The following TASP1 variants were observed in gnomAD, a reference collection of about 807,000 sequenced individuals.
TASP1 encodes the protein threonine aspartase 1.
In TASP1, 16 loss-of-function variants were observed where a neutral mutation model predicts 56.6. That is an observed-to-expected ratio of 0.28 (90% confidence interval 0.19 to 0.43). The LOEUF is 0.43. TASP1 is among the 20% of genes least tolerant of loss of function. The pLI is 1.00. For missense variants in TASP1, 393 were observed against 511.6 expected (o/e 0.77, Z 2.24); for synonymous variants, 179 against 184.2 (o/e 0.97, Z 0.23).
At chr20:13,563,575 C>T (rs1473258125) in intron 7 of TASP1, among the ~76,000 whole-genome samples, 1 of 151,612 alleles carries the variant, frequency 6.6e-6, no homozygotes, top group Non-Finnish European at 1.5e-5. Context: ...TGACAAAGTG[C>T]AATTTATTCC....
chr20:13,298,912 G>A, the TASP1 span: 2 of 1,607,122 alleles, frequency 1.2e-6, no homozygotes, highest in South Asian at 1.1e-5. Context: ...TGTACACGCG[G>A]TGAGAGGGTT....
intron 13 of TASP1, among the ~76,000 whole-genome samples, chr20:13,416,696 T>A (rs1347106255): frequency 1.3e-5 from 2 of 152,174 alleles, no homozygotes; most frequent in Non-Finnish European, 2.9e-5. Context: ...GGTACTTTAA[T>A]GCCAAGTAAA....
chr20:13,360,203 T>C, the TASP1 span, among the ~76,000 whole-genome samples: 61 of 151,794 alleles, frequency 4.0e-4, no homozygotes, highest in East Asian at 0.011. Flanking sequence ...ATCTCAAACA[T>C]GCTTTCTTTA....
chr20:13,155,569 G>A, the TASP1 span, among the ~76,000 whole-genome samples: 2 of 152,282 alleles, frequency 1.3e-5, no homozygotes, highest in African/African-American at 4.8e-5. Context: ...GCTCATGCCT[G>A]TAATCCCATC....
At chr20:13,410,973 A>G (rs2042076507) in intron 13 of TASP1, among the ~76,000 whole-genome samples, 2 of 152,180 alleles carry the variant, frequency 1.3e-5, no homozygotes, top group African/African-American at 4.8e-5. Flanking sequence ...CCTTACATTT[A>G]AGATTTTAAT....
At chr20:13,368,456 C>T in the TASP1 span, 3 of 152,128 alleles carry the variant, frequency 2.0e-5, no homozygotes, top group Non-Finnish European at 4.4e-5. Flanking sequence ...TCAAATGAGA[C>T]ATCAAAAATA....
chr20:13,195,072 T>G, the TASP1 span, among the ~76,000 whole-genome samples: 4,095 of 152,228 alleles, frequency 0.027, 172 homozygotes, highest in African/African-American at 0.092. Flanking sequence ...TTCTATAACA[T>G]ACGAATGGTA....
chr20:13,352,161 A>T, the TASP1 span, among the ~76,000 whole-genome samples: 1 of 152,180 alleles, frequency 6.6e-6, no homozygotes, highest in African/African-American at 2.4e-5. Context: ...GAATGCACTA[A>T]CTTTTAGGCC....
At chr20:13,592,397 CAA>C (rs34379997) in intron 4 of TASP1, among the ~76,000 whole-genome samples, 2 of 138,318 alleles carry the variant, frequency 1.4e-5, no homozygotes, top group South Asian at 2.3e-4. Flanking sequence ...AACACTGTCT[CAA>C]AAAAAAAAAA....
chr20:13,440,232 T>C (rs2043167088), intron 11 of TASP1, among the ~76,000 whole-genome samples: 1 of 152,146 alleles, frequency 6.6e-6, no homozygotes, highest in Non-Finnish European at 1.5e-5. Flanking sequence ...CTCTACAAAG[T>C]CTCAAAGAGA....
chr20:13,161,781 T>C, the TASP1 span, among the ~76,000 whole-genome samples: 1 of 151,776 alleles, frequency 6.6e-6, no homozygotes, highest in African/African-American at 2.4e-5. Context: ...AATAAAAGAG[T>C]AAAGAGGATA....
At chr20:13,289,582 C>T in the TASP1 span, among the ~76,000 whole-genome samples, 8 of 151,314 alleles carry the variant, frequency 5.3e-5, no homozygotes, top group South Asian at 1.7e-3. Flanking sequence ...GTGTCCCATA[C>T]ATTTTTAAAC....
chr20:13,328,967 A>C, the TASP1 span, among the ~76,000 whole-genome samples: 2 of 152,218 alleles, frequency 1.3e-5, no homozygotes, highest in Admixed American at 1.3e-4. Flanking sequence ...TAAAAATTGA[A>C]TTTAAAAAGT....
intron 10 of TASP1, among the ~76,000 whole-genome samples, chr20:13,494,233 C>T (rs942751841): frequency 1.3e-5 from 2 of 152,160 alleles, no homozygotes; most frequent in African/African-American, 4.8e-5. Flanking sequence ...TGAAATGAGT[C>T]ACTTATGACA....
the TASP1 span, among the ~76,000 whole-genome samples, chr20:13,293,712 A>G: frequency 5.3e-5 from 8 of 152,292 alleles, no homozygotes; most frequent in African/African-American, 1.4e-4. Context: ...AGTGACTCAC[A>G]TCTGTAATCC....
the TASP1 span, among the ~76,000 whole-genome samples, chr20:13,353,804 C>T: frequency 6.6e-6 from 1 of 152,156 alleles, no homozygotes; most frequent in African/African-American, 2.4e-5. Flanking sequence ...GCTTTCAATC[C>T]TATTTTAAGT....
At chr20:13,379,525 A>G in the TASP1 span, among the ~76,000 whole-genome samples, 1 of 151,604 alleles carries the variant, frequency 6.6e-6, no homozygotes, top group African/African-American at 2.4e-5. Flanking sequence ...CTTCATTTCA[A>G]CCTTGGTAAA....
At chr20:13,518,874 C>T (rs904606171) in intron 10 of TASP1, among the ~76,000 whole-genome samples, 2 of 152,140 alleles carry the variant, frequency 1.3e-5, no homozygotes, top group African/African-American at 4.8e-5. Flanking sequence ...AGACAAGGCA[C>T]TCACATGTCC....
chr20:13,288,117 C>A, the TASP1 span, among the ~76,000 whole-genome samples: 1 of 152,180 alleles, frequency 6.6e-6, no homozygotes, highest in East Asian at 1.9e-4. Flanking sequence ...GCTGCCAGGC[C>A]TTAAGGTCAA....
Sources: gnomAD v4.1 joint callset for allele counts (sites outside exome capture counted in the v4.1 genomes callset) on GRCh38, gnomAD v4.1.1 for gene constraint, MANE v1.5 for transcripts, NCBI Gene and HGNC (gene_info 2026-07-23, HGNC 2026-07-21) for gene names.